NT5DC3: variants seen among roughly 807,000 people sequenced by gnomAD.
NT5DC3 encodes the protein 5'-nucleotidase domain containing 3, also known as 5'-nucleotidase domain-containing protein 3.
In NT5DC3, 42 loss-of-function variants were observed where a neutral mutation model predicts 67.8. That is an observed-to-expected ratio of 0.62 (90% CI 0.48 to 0.80). The LOEUF is 0.80. Ranked by LOEUF, NT5DC3 falls within the 30% of genes least tolerant of loss-of-function variation. The pLI, the probability that NT5DC3 is intolerant of heterozygous loss-of-function variation, is 0.00. For synonymous variants in NT5DC3, 237 were observed against 255.6 expected (o/e 0.93, Z 0.69); for missense variants, 570 against 696.4 (o/e 0.82, Z 2.04).
intron 1 of NT5DC3, among the ~76,000 whole-genome samples, chr12:103,836,567 AAC>A (rs1199291360): frequency 6.6e-6 from 1 of 152,244 alleles, no homozygotes; most frequent in East Asian, 1.9e-4. Context: ...TTTAGGCTAA[AAC>A]AGTTTCTCAG....
chr12:103,826,930 C>A (rs1254338196), intron 1 of NT5DC3, among the ~76,000 whole-genome samples: 2 of 152,160 alleles, frequency 1.3e-5, no homozygotes, highest in Non-Finnish European at 2.9e-5. Context: ...AGGTAACAGA[C>A]TGGTATTTTA....
At chr12:103,746,355 A>AT in the NT5DC3 span, 1 of 364,898 alleles carries the variant, frequency 2.7e-6, no homozygotes, top group Non-Finnish European at 5.1e-6. Flanking sequence ...CCTAAAGAAC[A>AT]TTTTTTCTCA....
At chr12:103,759,516 G>C in the NT5DC3 span, among the ~76,000 whole-genome samples, 1 of 152,210 alleles carries the variant, frequency 6.6e-6, no homozygotes, top group African/African-American at 2.4e-5. Context: ...CCATTTTAAA[G>C]CTGATTCTCC....
At chr12:103,760,386 G>A in the NT5DC3 span, among the ~76,000 whole-genome samples, 5,893 of 152,148 alleles carry the variant, frequency 0.039, 168 homozygotes, top group Middle Eastern at 0.054. Context: ...TCAGCCTCCC[G>A]CGTAGCTGGG....
intron 1 of NT5DC3, among the ~76,000 whole-genome samples, chr12:103,824,980 G>T (rs1887631775): frequency 6.6e-6 from 1 of 152,074 alleles, no homozygotes; most frequent in South Asian, 2.1e-4. Context: ...CACCACATGG[G>T]GATTATAAAT....
intron 1 of NT5DC3, among the ~76,000 whole-genome samples, chr12:103,831,754 C>A (rs1034874538): frequency 1.3e-4 from 19 of 147,262 alleles, no homozygotes; most frequent in Non-Finnish European, 2.7e-4. Context: ...GGTCATCATT[C>A]GGGTTTCAGC....
chr12:103,784,895 T>G (rs763519817), intron 12 of NT5DC3, among the ~76,000 whole-genome samples: 2 of 152,214 alleles, frequency 1.3e-5, no homozygotes, highest in Non-Finnish European at 2.9e-5. Context: ...GGATCTTGAC[T>G]CTTGCTTTGA....
the NT5DC3 span, chr12:103,758,302 C>T: frequency 1.1e-5 from 18 of 1,612,272 alleles, no homozygotes; most frequent in Non-Finnish European, 1.4e-5. Context: ...GAGTTGAGTC[C>T]CTGGTGCCTT....
chr12:103,780,491 CTGAA>C, intron 12 of NT5DC3, 127 bp from the exon 13 acceptor site: 1 of 775,944 alleles, frequency 1.3e-6, no homozygotes, highest in Non-Finnish European at 2.2e-6. Flanking sequence ...AGGCTGGCAC[CTGAA>C]TGAAATAATA....
chr12:103,778,146 T>A, intron 13 of NT5DC3, 65 bp from the exon 14 acceptor site: 2 of 1,477,904 alleles, frequency 1.4e-6, no homozygotes, highest in Non-Finnish European at 1.8e-6. Context: ...TTTAAACTAC[T>A]GAAATCAAAA....
chr12:103,783,084 T>C (rs1360633081), intron 12 of NT5DC3, among the ~76,000 whole-genome samples: 1 of 152,220 alleles, frequency 6.6e-6, no homozygotes, highest in Non-Finnish European at 1.5e-5. Flanking sequence ...CAGAAAACTG[T>C]CCAAATAATG....
intron 5 of NT5DC3, among the ~76,000 whole-genome samples, chr12:103,797,626 C>CGA (rs914203738): frequency 6.6e-6 from 1 of 152,126 alleles, no homozygotes; most frequent in African/African-American, 2.4e-5. Flanking sequence ...CCTGTGCTCA[C>CGA]TCCCATTTCC....
chr12:103,796,984 C>A lies in NT5DC3; in HGVS notation c.663G>T (p.Leu221=), dbSNP rs1326003513. 1 of 1,614,078 alleles carries A rather than the reference C, an allele frequency of 6.2e-7. No homozygotes were observed. The highest frequency in any genetic ancestry group is 2.2e-5 in the East Asian group (1 of 44,878). The stretch of plus-strand genomic sequence containing the variant: ...CGCAGGACAGGAGGGTCATCTCGGG[C>A]AGGGAGAAGATGTCCATGAACTGCT... ...TMKQFMDIFS[L]PEMTLLSCVN... is the part of the protein sequence containing the mutation. Residue 221 remains leucine, a synonymous_variant, in exon 6 of 14, where the codon CTG becomes CTT. Transcript: ENST00000392876.
At chr12:103,794,874 G>T (rs1886245042) in intron 6 of NT5DC3, among the ~76,000 whole-genome samples, 2 of 152,232 alleles carry the variant, frequency 1.3e-5, no homozygotes, top group South Asian at 4.1e-4. Context: ...CAGGAGTATG[G>T]CAGCATGATA....
chr12:103,778,403 C>A (rs1230126793), intron 13 of NT5DC3, among the ~76,000 whole-genome samples: 1 of 152,084 alleles, frequency 6.6e-6, no homozygotes, highest in Non-Finnish European at 1.5e-5. Context: ...TGGTGGCGCA[C>A]ACCTGTAATC....
At chr12:103,769,827 T>C (rs1444845004), downstream of NT5DC3, among the ~76,000 whole-genome samples, 4 of 152,224 alleles carry the variant, frequency 2.6e-5, no homozygotes, top group East Asian at 5.8e-4. Context: ...TAACGACAAA[T>C]GTGTTAGCTT....
At chr12:103,811,693 A>G (rs1001380493) in intron 2 of NT5DC3, among the ~76,000 whole-genome samples, 2 of 152,192 alleles carry the variant, frequency 1.3e-5, no homozygotes, top group African/African-American at 4.8e-5. Context: ...ATGTGAAGGA[A>G]GTATGGACTT....
In NT5DC3 at chr12:103,794,965, T is replaced by A. The variant is rs553968222; in HGVS notation, c.754-968A>T. Among the ~76,000 whole-genome samples, 17 of 152,326 alleles carry A rather than the reference T, an allele frequency of 1.1e-4. No individual in the cohort carries two copies. In the South Asian group the frequency reaches 3.5e-3, roughly 32 times the overall value. On this transcript the variant is annotated intron_variant, in intron 6 of 13. Coordinates refer to ENST00000392876, the MANE Select transcript of NT5DC3 (RefSeq NM_001031701.3). ...ACGTGGTGACATTCCTAGAGGCCTA[T>A]GGAAACTTTCTAGAGCCAGTAGCAG... is the stretch of plus-strand genomic sequence containing the variant.
chr12:103,807,007 A>G (rs572737930), intron 2 of NT5DC3, 78 bp from the exon 3 acceptor site: 2 of 847,066 alleles, frequency 2.4e-6, no homozygotes, highest in East Asian at 2.5e-5. Context: ...GCCCTTGTAC[A>G]AAGGCTGAGG....
Sources: gnomAD v4.1 joint callset for allele counts (sites outside exome capture counted in the v4.1 genomes callset) on GRCh38, gnomAD v4.1.1 for gene constraint, MANE v1.5 for transcripts, NCBI Gene and HGNC (gene_info 2026-07-23, HGNC 2026-07-21) for gene names.